The following MPRIP variants were observed in gnomAD, a reference collection of about 807,000 sequenced individuals.
MPRIP encodes the protein myosin phosphatase Rho interacting protein.
In MPRIP, 59 loss-of-function variants were observed where a neutral mutation model predicts 234.9. The ratio of observed to expected loss-of-function variants is 0.25; its 90% CI spans 0.20 to 0.31. The LOEUF is 0.31. Ranked by LOEUF, MPRIP falls within the 10% of genes least tolerant of loss-of-function variation. MPRIP has a pLI of 1.00. For synonymous variants in MPRIP, 1,144 were observed against 1,263.9 expected (o/e 0.91, Z 2.01); for missense variants, 2,436 against 3,071.0 (o/e 0.79, Z 4.89).
intron 1 of MPRIP, among the ~76,000 whole-genome samples, chr17:17,044,530 C>A (rs972731649): frequency 3.3e-5 from 5 of 152,256 alleles, no homozygotes; most frequent in African/African-American, 1.2e-4. Context: ...TTTTATGAAA[C>A]TTTTTTCTCT....
intron 3 of MPRIP, among the ~76,000 whole-genome samples, chr17:17,084,741 AGACT>A (rs763976205): frequency 4.3e-4 from 66 of 152,358 alleles, no homozygotes; most frequent in Non-Finnish European, 7.6e-4. Flanking sequence ...CTGTTGCTGC[AGACT>A]GACCCAACTA....
intron 3 of MPRIP, among the ~76,000 whole-genome samples, chr17:17,118,490 G>A (rs1426435836): frequency 6.6e-6 from 1 of 152,206 alleles, no homozygotes; most frequent in East Asian, 1.9e-4. Flanking sequence ...CTGAGGACAG[G>A]CATTGGGATG....
chr17:17,150,154 T>C lies in MPRIP; in HGVS notation c.1640T>C (p.Leu547Ser). 1.2e-6 allele frequency: 2 copies of C among 1,613,636 alleles called. No individual in the cohort carries two copies. The highest frequency in any genetic ancestry group is 1.7e-6 in the Non-Finnish European group (2 of 1,179,828). The change falls in exon 12 of 24, where the codon TTG becomes TCG. Residue 547 changes from leucine (L) to serine (S), a missense_variant. Leu to Ser is a moderately radical substitution (Grantham distance 145). Transcript: ENST00000651222. ...RDSVAEEAADLDGEIDLSACY... is the reference protein window; with the variant it reads ...RDSVAEEAADSDGEIDLSACY... Reference sequence around the variant, plus strand: ...CACTTCCCTCGGCAGGCAGCCGACTTGGATGGAGAAATTGACTTGTCCGCA... The same window carrying C: ...CACTTCCCTCGGCAGGCAGCCGACTCGGATGGAGAAATTGACTTGTCCGCA...
chr17:17,176,584 G>A, intron 21 of MPRIP, 72 bp downstream of exon 21: 1 of 1,205,238 alleles, frequency 8.3e-7, no homozygotes. Context: ...CTGAACTCAG[G>A]CTGGTGCTCA....
intron 5 of MPRIP, among the ~76,000 whole-genome samples, chr17:17,134,429 C>CA (rs1205215349): frequency 6.6e-6 from 1 of 152,192 alleles, no homozygotes; most frequent in Non-Finnish European, 1.5e-5. Flanking sequence ...CCTGGGGCGG[C>CA]ATCCCCTTGG....
chr17:17,136,717 G>A (rs76862711), intron 6 of MPRIP, among the ~76,000 whole-genome samples: 2,413 of 152,322 alleles, frequency 0.016, 62 homozygotes, highest in African/African-American at 0.055. Flanking sequence ...TTGCTTGTCA[G>A]GAGAATCAAA....
chr17:17,136,280 GCAT>G lies in MPRIP; in HGVS notation c.568_570del (p.Ile190del). 1 of 1,559,800 alleles carries G rather than the reference GCAT, an allele frequency of 6.4e-7. No homozygotes were observed. The highest frequency in any genetic ancestry group is 8.7e-7 in the Non-Finnish European group (1 of 1,148,422). On this transcript the variant is annotated inframe_deletion, in exon 6 of 24. Coordinates refer to ENST00000651222, the MANE Select transcript of MPRIP (RefSeq NM_001364716.4). ...AGCAGCAGCAGCAGCAGCAGCAGCA[GCAT>G]CCCCAGTGCTGAGAAAGTCCCCACC...
intron 4 of MPRIP, among the ~76,000 whole-genome samples, chr17:17,130,620 A>G (rs991381566): frequency 1.3e-5 from 2 of 152,008 alleles, no homozygotes; most frequent in Admixed American, 1.3e-4. Flanking sequence ...CAGCAGGCCC[A>G]GCGTGGACCC....
In MPRIP at chr17:17,068,217, C is replaced by A. The variant is rs1597744197; in HGVS notation, c.124-7493C>A. On this transcript the variant is annotated intron_variant, in intron 1 of 23. Coordinates refer to ENST00000651222, the MANE Select transcript of MPRIP (RefSeq NM_001364716.4). ...CCAGGCTGGAATGCAGTGGAGCGATCTCGGCTCACTGCAACCTCTGCCTCC... is the reference window on the plus strand; with the variant it reads ...CCAGGCTGGAATGCAGTGGAGCGATATCGGCTCACTGCAACCTCTGCCTCC... Among the ~76,000 whole-genome samples, 6 of 152,048 alleles carry A rather than the reference C, an allele frequency of 3.9e-5. No homozygotes were observed. The South Asian group carries it at 1.2e-3, about 32-fold the overall frequency.
intron 1 of MPRIP, among the ~76,000 whole-genome samples, chr17:17,065,058 A>T (rs1333633812): frequency 6.6e-6 from 1 of 151,940 alleles, no homozygotes. Flanking sequence ...TAGCATGAAC[A>T]CCTCTTCATG....
intron 3 of MPRIP, 99 bp from the exon 4 acceptor site, chr17:17,126,603 G>A: frequency 7.4e-7 from 1 of 1,357,982 alleles, no homozygotes; most frequent in Middle Eastern, 2.7e-4. Flanking sequence ...CACTCCTAGA[G>A]GCCCCACAGG....
intron 1 of MPRIP, among the ~76,000 whole-genome samples, chr17:17,060,966 T>C (rs2088851303): frequency 2.6e-5 from 4 of 152,214 alleles, no homozygotes; most frequent in South Asian, 4.1e-4. Context: ...CTGTGGCCTC[T>C]TGAGGGGTCT....
At chr17:17,113,885 CTT>C (rs1396154528) in intron 3 of MPRIP, among the ~76,000 whole-genome samples, 3 of 98,422 alleles carry the variant, frequency 3.0e-5, no homozygotes, top group African/African-American at 8.5e-5. Context: ...CTTTTCTTTT[CTT>C]TTTTTTTTTT....
rs140664750 is a variant in MPRIP, at chr17:17,136,356, A to G, written c.642A>G (p.Pro214=). 9 of 1,611,538 alleles carry G rather than the reference A, an allele frequency of 5.6e-6. No individual in the cohort carries two copies. In the African/African-American group the frequency reaches 1.2e-4, roughly 22 times the overall value. The change falls in exon 6 of 24, where the codon CCA becomes CCG. Residue 214 remains proline (P), a synonymous_variant. Coordinates refer to ENST00000651222, the MANE Select transcript of MPRIP (RefSeq NM_001364716.4). ...WQEEMRTKDQ[P]DGSSLSPAQS... Reference sequence around the variant, plus strand: ...AAGAAATGAGGACCAAGGACCAGCCAGATGGCAGCAGCCTGAGTCCAGCTC... The same window carrying G: ...AAGAAATGAGGACCAAGGACCAGCCGGATGGCAGCAGCCTGAGTCCAGCTC...
intron 1 of MPRIP, among the ~76,000 whole-genome samples, chr17:17,065,209 A>G (rs897449701): frequency 6.6e-6 from 1 of 152,196 alleles, no homozygotes; most frequent in African/African-American, 2.4e-5. Context: ...CCTTTGCAAA[A>G]GGACATTTGC....
chr17:17,111,930 T>C (rs1489187732), intron 3 of MPRIP, among the ~76,000 whole-genome samples: 1 of 152,122 alleles, frequency 6.6e-6, no homozygotes, highest in African/African-American at 2.4e-5. Flanking sequence ...TTGTTTAGCT[T>C]GCCCGACTGC....
At chr17:17,125,608 A>G (rs1419811939) in intron 3 of MPRIP, among the ~76,000 whole-genome samples, 1 of 152,202 alleles carries the variant, frequency 6.6e-6, no homozygotes, top group Non-Finnish European at 1.5e-5. Flanking sequence ...TCTGAAAGGA[A>G]GAAGGTCGGG....
intron 3 of MPRIP, among the ~76,000 whole-genome samples, chr17:17,086,607 G>T (rs556194034): frequency 6.6e-6 from 1 of 152,280 alleles, no homozygotes; most frequent in African/African-American, 2.4e-5. Flanking sequence ...CCAGATTTAA[G>T]TTATTTTGAA....
At chr17:17,085,593 C>A (rs2089570687) in intron 3 of MPRIP, among the ~76,000 whole-genome samples, 1 of 152,228 alleles carries the variant, frequency 6.6e-6, no homozygotes. Context: ...CATCAACAAC[C>A]CCTGCCCCTG....
Sources: gnomAD v4.1 joint callset for allele counts (sites outside exome capture counted in the v4.1 genomes callset) on GRCh38, gnomAD v4.1.1 for gene constraint, MANE v1.5 for transcripts, NCBI Gene and HGNC (gene_info 2026-07-23, HGNC 2026-07-21) for gene names.